Variants in MAP3K15 observed in about 807,000 individuals in gnomAD.
MAP3K15 encodes MAPK/ERK kinase kinase 15.
A neutral mutation model predicts 99.5 loss-of-function variants in MAP3K15; 124 were observed. The ratio of observed to expected loss-of-function variants is 1.25; its 90% confidence interval spans 1.08 to 1.45. MAP3K15 has a LOEUF of 1.45. Ranked by LOEUF, MAP3K15 falls within the 40% of genes most tolerant of loss-of-function variation. The pLI is 0.00. For missense variants in MAP3K15, 1,242 were observed against 1,079.7 expected (o/e 1.15, Z -2.11); for synonymous variants, 494 against 439.6 (o/e 1.12, Z -1.55).
At chrX:19,469,185 C>T (rs1300665277) in intron 3 of MAP3K15, among the ~76,000 whole-genome samples, 2 of 111,713 alleles carry the variant, frequency 1.8e-5, no homozygotes, top group Admixed American at 1.9e-4. Context: ...CAGCATGGTA[C>T]TGGTACCAAA....
chrX:19,369,211 C>T lies in MAP3K15; in HGVS notation c.3409G>A (p.Ala1137Thr), dbSNP rs781772515. The T allele has an allele frequency of 8.3e-7, 1 of 1,211,220 alleles. No homozygotes were observed. Among genetic ancestry groups the T allele is most frequent in the East Asian group, 3.0e-5 (1 of 33,791 alleles). The change falls in exon 25 of 29, where the codon GCC becomes ACC. Residue 1137 changes from alanine (A) to threonine (T), a missense_variant. Physicochemically the swap from Ala to Thr is moderately conservative, Grantham distance 58. Coordinates refer to ENST00000338883, the MANE Select transcript of MAP3K15 (RefSeq NM_001001671.4). ...GTCTCACAGGTAGGCTCAAAGTGGG[C>T]TCGGAGCTCTGCAAATCACACAAGA... ...AVTILIPELRAHFEPTCETEG... is the reference protein window; with the variant it reads ...AVTILIPELRTHFEPTCETEG...
At chrX:19,442,695 TTA>T (rs944812474) in intron 6 of MAP3K15, among the ~76,000 whole-genome samples, 4 of 97,429 alleles carry the variant, frequency 4.1e-5, no homozygotes, top group African/African-American at 1.6e-4. Context: ...GGCTTTTATT[TTA>T]TTATTATTAT....
chrX:19,513,182 A>C (rs1303586925), intron 1 of MAP3K15, among the ~76,000 whole-genome samples: 1 of 111,399 alleles, frequency 9.0e-6, no homozygotes, highest in African/African-American at 3.3e-5. Flanking sequence ...GTGGCTCCAG[A>C]ATTGAAAGCC....
intron 6 of MAP3K15, among the ~76,000 whole-genome samples, chrX:19,452,928 A>G (rs2064066030): frequency 9.0e-6 from 1 of 110,582 alleles, no homozygotes; most frequent in Non-Finnish European, 1.9e-5. Context: ...AATGTGGCCC[A>G]GGGAAGCCAA....
intron 3 of MAP3K15, among the ~76,000 whole-genome samples, chrX:19,470,193 C>A: frequency 9.0e-6 from 1 of 111,642 alleles, no homozygotes; most frequent in Non-Finnish European, 1.9e-5. Context: ...AAATGTGGCA[C>A]ATATACACCA....
chrX:19,472,191 T>A (rs1288260443), intron 3 of MAP3K15, among the ~76,000 whole-genome samples: 1 of 108,763 alleles, frequency 9.2e-6, no homozygotes, highest in Non-Finnish European at 1.9e-5. Flanking sequence ...GCCACAGCAC[T>A]CCAGCCTGGG....
chrX:19,414,878 T>A (rs758609795), intron 10 of MAP3K15, among the ~76,000 whole-genome samples: 1 of 111,715 alleles, frequency 9.0e-6, no homozygotes, highest in Non-Finnish European at 1.9e-5. Flanking sequence ...AGATGTACCT[T>A]AGGGGGACAA....
At chrX:19,416,144 A>G (rs1000948974) in intron 9 of MAP3K15, among the ~76,000 whole-genome samples, 1 of 111,457 alleles carries the variant, frequency 9.0e-6, no homozygotes, top group African/African-American at 3.3e-5. Context: ...CAGCCTGGCC[A>G]ACATGGTGAA....
intron 7 of MAP3K15, among the ~76,000 whole-genome samples, chrX:19,429,437 G>T (rs1311609833): frequency 1.8e-5 from 2 of 110,600 alleles, no homozygotes; most frequent in Non-Finnish European, 3.8e-5. Context: ...GGAGGTAAGT[G>T]AGCAAAATGA....
chrX:19,420,193 C>A (rs1308058002), intron 9 of MAP3K15, among the ~76,000 whole-genome samples: 1 of 111,110 alleles, frequency 9.0e-6, no homozygotes, highest in East Asian at 2.8e-4. Context: ...AAGATCAGAG[C>A]AGAACTGAAG....
intron 3 of MAP3K15, among the ~76,000 whole-genome samples, chrX:19,465,640 G>A (rs1347675573): frequency 9.2e-6 from 1 of 108,686 alleles, no homozygotes; most frequent in Non-Finnish European, 1.9e-5. Context: ...TGTAGTCCCA[G>A]CTACTCAGGA....
At chrX:19,364,893 C>CAA (rs781622051) in intron 25 of MAP3K15, among the ~76,000 whole-genome samples, 7 of 38,464 alleles carry the variant, frequency 1.8e-4, no homozygotes, top group Non-Finnish European at 2.5e-4. Flanking sequence ...AACTCTGTCT[C>CAA]AAAAAAAAAA....
intron 26 of MAP3K15, among the ~76,000 whole-genome samples, chrX:19,362,165 G>A (rs1048969786): frequency 2.8e-5 from 3 of 108,310 alleles, no homozygotes; most frequent in African/African-American, 1.0e-4. Flanking sequence ...TCCCCATTCT[G>A]ATTCTGTCCC....
At position 19,366,537 on chromosome X, in the gene MAP3K15, T is replaced by A. The variant is rs772470878; in HGVS notation, c.3566+2517A>T. 8.9e-5 allele frequency among the ~76,000 whole-genome samples: 10 copies of A among 112,002 alleles called. No individual in the cohort carries two copies. In the South Asian group the frequency reaches 3.7e-3, roughly 42 times the overall value. Reference sequence around the variant, plus strand: ...ATCATGGGGGTGGTTTCCCCCATACTGTTCTCATGGTACTGAATAAGTCTC... The same window carrying A: ...ATCATGGGGGTGGTTTCCCCCATACAGTTCTCATGGTACTGAATAAGTCTC... On this transcript the variant is annotated intron_variant, in intron 25 of 28. Transcript: ENST00000338883.
chrX:19,458,210 C>G (rs921181846), intron 5 of MAP3K15, among the ~76,000 whole-genome samples: 2 of 111,814 alleles, frequency 1.8e-5, no homozygotes, highest in Non-Finnish European at 3.8e-5. Flanking sequence ...ATTCCAAGAA[C>G]CTCTTGGCCC....
intron 6 of MAP3K15, among the ~76,000 whole-genome samples, chrX:19,433,508 T>C: frequency 9.0e-6 from 1 of 111,203 alleles, no homozygotes; most frequent in East Asian, 2.8e-4. Context: ...ACAGCATCCC[T>C]GGTTCTCAGG....
chrX:19,391,937 C>A, intron 18 of MAP3K15, 65 bp downstream of exon 18: 3 of 810,863 alleles, frequency 3.7e-6, no homozygotes, highest in South Asian at 4.4e-5. Flanking sequence ...GGCTGAACAA[C>A]CGCAGCTTGT....
Position 19,400,677 on chromosome X carries a change from T to C in MAP3K15, c.1845-14A>G, listed in dbSNP as rs1425405998. ...AAAGAGAAAAATCTAGAACAGCAAGTGTCACAAATACGTTGCCAACTCAGA... is the reference window on the plus strand; with the variant it reads ...AAAGAGAAAAATCTAGAACAGCAAGCGTCACAAATACGTTGCCAACTCAGA... On this transcript the variant is annotated splice_polypyrimidine_tract_variant and intron_variant, in intron 13 of 28. Coordinates refer to ENST00000338883, the MANE Select transcript of MAP3K15 (RefSeq NM_001001671.4). 6.2e-6 allele frequency: 7 copies of C among 1,134,991 alleles called. No individual in the cohort carries two copies. The highest frequency in any genetic ancestry group is 1.9e-5 in the South Asian group (1 of 53,996). The allele number at this position is 1,134,991 out of a possible 1,213,427, so 93.5% of individuals were successfully genotyped here.
intron 3 of MAP3K15, among the ~76,000 whole-genome samples, chrX:19,480,254 CTTTT>C (rs996534046): frequency 1.2e-4 from 13 of 110,265 alleles, no homozygotes; most frequent in African/African-American, 4.3e-4. Flanking sequence ...TATTCAATGG[CTTTT>C]TTTTTCTCCA....
Sources: gnomAD v4.1 joint callset for allele counts (sites outside exome capture counted in the v4.1 genomes callset) on GRCh38, gnomAD v4.1.1 for gene constraint, MANE v1.5 for transcripts, NCBI Gene and HGNC (gene_info 2026-07-23, HGNC 2026-07-21) for gene names.